MECOM: variants seen among roughly 807,000 people sequenced by gnomAD.
The protein encoded by MECOM is histone-lysine N-methyltransferase MECOM.
MECOM carries 13 observed loss-of-function variants against 116.3 expected under a neutral mutation model. The observed-to-expected ratio is 0.11, with a 90% CI of 0.07 to 0.18. MECOM has a LOEUF of 0.18. Among genes scored for constraint, MECOM ranks in the 10% least tolerant of loss-of-function variants. The pLI, the probability that MECOM is intolerant of heterozygous loss-of-function variation, is 1.00. For missense variants in MECOM, 1,299 were observed against 1,509.0 expected, an observed-to-expected ratio of 0.86 and a Z score of 2.31; for synonymous variants, 528 against 535.2, an observed-to-expected ratio of 0.99 and a Z score of 0.19.
At chr3:169,382,618 T>A (rs1411637325) in intron 1 of MECOM, among the ~76,000 whole-genome samples, 1 of 152,010 alleles carries the variant, frequency 6.6e-6, no homozygotes, top group Non-Finnish European at 1.5e-5. Context: ...TTCATAGAAC[T>A]TCAAGGAAGG....
intron 14 of MECOM, among the ~76,000 whole-genome samples, chr3:169,092,467 G>T (rs985111525): frequency 6.6e-6 from 1 of 151,654 alleles, no homozygotes; most frequent in Admixed American, 6.6e-5. Context: ...TATAATACAG[G>T]TATATAGAAT....
chr3:169,471,640 T>G (rs1476810532), intron 1 of MECOM, among the ~76,000 whole-genome samples: 1 of 152,196 alleles, frequency 6.6e-6, no homozygotes, highest in Non-Finnish European at 1.5e-5. Context: ...CTACATTGCC[T>G]AAGTCCTATA....
intron 2 of MECOM, among the ~76,000 whole-genome samples, chr3:169,239,371 A>G (rs935267428): frequency 6.6e-6 from 1 of 152,070 alleles, no homozygotes; most frequent in African/African-American, 2.4e-5. Context: ...ACAAAAATAT[A>G]AAAGAAAATT....
At chr3:169,107,992 G>C in intron 9 of MECOM, 40 bp from the exon 10 acceptor site, 1 of 1,578,700 alleles carries the variant, frequency 6.3e-7, no homozygotes, top group Non-Finnish European at 8.7e-7. Context: ...AATTACTTCT[G>C]TGTTGGTATC....
intron 1 of MECOM, among the ~76,000 whole-genome samples, chr3:169,654,835 C>CACAT (rs1775346597): frequency 6.6e-6 from 1 of 151,920 alleles, no homozygotes; most frequent in Non-Finnish European, 1.5e-5. Flanking sequence ...CACACACACA[C>CACAT]ACACACATAT....
chr3:169,149,379 G>A (rs1740758886), intron 2 of MECOM: 2 of 170,220 alleles, frequency 1.2e-5, no homozygotes, highest in South Asian at 2.6e-4. Context: ...GCTAAATTAG[G>A]ATTTCGTGGA....
intron 2 of MECOM, among the ~76,000 whole-genome samples, chr3:169,261,422 G>A (rs1367427116): frequency 6.6e-6 from 1 of 152,142 alleles, no homozygotes; most frequent in African/African-American, 2.4e-5. Context: ...AGAAGGGACA[G>A]GCACAGTGGC....
intron 9 of MECOM, among the ~76,000 whole-genome samples, chr3:169,109,696 A>G (rs1468044529): frequency 6.6e-6 from 1 of 152,220 alleles, no homozygotes; most frequent in South Asian, 2.1e-4. Context: ...GATTACAGGC[A>G]TGAGTCACCG....
chr3:169,630,918 C>G (rs1772003272), intron 1 of MECOM, among the ~76,000 whole-genome samples: 1 of 152,202 alleles, frequency 6.6e-6, no homozygotes, highest in African/African-American at 2.4e-5. Context: ...GCCACTCTGC[C>G]CAGCCCCAAA....
In MECOM at chr3:169,313,908, G is replaced by A. The variant is rs935617531; in HGVS notation, c.375+67279C>T. 6.6e-5 allele frequency among the ~76,000 whole-genome samples: 10 copies of A among 152,244 alleles called. No homozygotes were observed. In the East Asian group the frequency reaches 7.7e-4, roughly 12 times the overall value. On this transcript the variant is annotated intron_variant, in intron 2 of 16. Coordinates refer to ENST00000651503, the MANE Select transcript of MECOM (RefSeq NM_004991.4). ...GCTAACTAGTTAAGACAACTGAACCGGGACAACTGACAGGACCAAACACTG... is the reference window on the plus strand; with the variant it reads ...GCTAACTAGTTAAGACAACTGAACCAGGACAACTGACAGGACCAAACACTG...
At chr3:169,603,472 G>A (rs1327986675) in intron 1 of MECOM, among the ~76,000 whole-genome samples, 1 of 152,156 alleles carries the variant, frequency 6.6e-6, no homozygotes, top group African/African-American at 2.4e-5. Flanking sequence ...AGTCTAAAGT[G>A]TACAGTGTTT....
intron 2 of MECOM, among the ~76,000 whole-genome samples, chr3:169,333,536 C>A (rs1190278219): frequency 6.6e-6 from 1 of 152,030 alleles, no homozygotes; most frequent in Non-Finnish European, 1.5e-5. Context: ...ACACCAACAC[C>A]ACTACCCTAA....
intron 2 of MECOM, among the ~76,000 whole-genome samples, chr3:169,331,967 A>G (rs2149774988): frequency 6.6e-6 from 1 of 151,600 alleles, no homozygotes; most frequent in Non-Finnish European, 1.5e-5. Flanking sequence ...ACATTTACAT[A>G]GAAACCAGAT....
At chr3:169,387,140 T>G (rs1398431005) in intron 1 of MECOM, among the ~76,000 whole-genome samples, 1 of 152,236 alleles carries the variant, frequency 6.6e-6, no homozygotes, top group African/African-American at 2.4e-5. Context: ...TACATTTTTC[T>G]TACAAAGTCC....
At chr3:169,503,393 T>C (rs1157335076) in intron 1 of MECOM, among the ~76,000 whole-genome samples, 1 of 152,146 alleles carries the variant, frequency 6.6e-6, no homozygotes, top group Non-Finnish European at 1.5e-5. Context: ...ATCTCTAGAA[T>C]TTGGAAAATC....
At chr3:169,512,102 T>C (rs146725424) in intron 1 of MECOM, among the ~76,000 whole-genome samples, 1 of 152,216 alleles carries the variant, frequency 6.6e-6, no homozygotes, top group Non-Finnish European at 1.5e-5. Context: ...CATTTTCTTA[T>C]CTGGGTCCAG....
intron 2 of MECOM, among the ~76,000 whole-genome samples, chr3:169,174,246 G>GA (rs1358664645): frequency 1.3e-5 from 2 of 151,956 alleles, no homozygotes; most frequent in South Asian, 2.1e-4. Flanking sequence ...TCCAAGACCA[G>GA]AAAAAAATGT....
intron 1 of MECOM, among the ~76,000 whole-genome samples, chr3:169,569,952 C>A (rs1402086162): frequency 6.6e-6 from 1 of 151,988 alleles, no homozygotes; most frequent in Non-Finnish European, 1.5e-5. Context: ...CAAGAGCAAA[C>A]AAATTCAAAA....
At chr3:169,465,182 T>A (rs904651173) in intron 1 of MECOM, among the ~76,000 whole-genome samples, 5 of 152,192 alleles carry the variant, frequency 3.3e-5, no homozygotes, top group Non-Finnish European at 7.3e-5. Context: ...ACAGCCTTGT[T>A]TAAAGGTTAA....
Sources: gnomAD v4.1 joint callset for allele counts (sites outside exome capture counted in the v4.1 genomes callset) on GRCh38, gnomAD v4.1.1 for gene constraint, MANE v1.5 for transcripts, NCBI Gene and HGNC (gene_info 2026-07-23, HGNC 2026-07-21) for gene names.